CYBRD1: variants seen among roughly 807,000 people sequenced by gnomAD.
CYBRD1 encodes cytochrome b reductase 1, also known as plasma membrane ascorbate-dependent reductase CYBRD1.
CYBRD1 carries 14 observed loss-of-function variants against 21.9 expected under a neutral mutation model. The observed-to-expected ratio is 0.64, with a 90% CI of 0.42 to 1.00. The LOEUF (loss-of-function observed/expected upper bound fraction) is 1.00, where lower values mean the gene tolerates loss of function less well. CYBRD1 is among the 50% of genes least tolerant of loss of function. The pLI is 0.00. For missense variants in CYBRD1, 328 were observed against 352.5 expected, an observed-to-expected ratio of 0.93 and a Z score of 0.56; for synonymous variants, 146 against 136.5, an observed-to-expected ratio of 1.07 and a Z score of -0.48.
intron 2 of CYBRD1, among the ~76,000 whole-genome samples, chr2:171,548,971 T>C (rs560356291): frequency 6.6e-6 from 1 of 152,246 alleles, no homozygotes; most frequent in African/African-American, 2.4e-5. Context: ...CTCATCTGTT[T>C]CATAAAGTGA....
At chr2:171,541,944 A>C in intron 2 of CYBRD1, 151 bp downstream of exon 2, 2 of 666,094 alleles carry the variant, frequency 3.0e-6, no homozygotes, top group East Asian at 2.7e-5. Context: ...GGCTCACTGC[A>C]ACCACTGTCT....
intron 1 of CYBRD1, among the ~76,000 whole-genome samples, chr2:171,527,917 C>T (rs374492805): frequency 2.6e-5 from 4 of 151,898 alleles, no homozygotes; most frequent in East Asian, 1.9e-4. Context: ...TTTCTCGAGC[C>T]GGTTCCAATT....
intron 2 of CYBRD1, among the ~76,000 whole-genome samples, chr2:171,546,368 G>T (rs1191887102): frequency 6.6e-6 from 1 of 152,164 alleles, no homozygotes; most frequent in African/African-American, 2.4e-5. Flanking sequence ...TAGCACACTG[G>T]TATAACACAA....
chr2:171,525,032 G>T (rs1352966637), intron 1 of CYBRD1, among the ~76,000 whole-genome samples: 3 of 152,130 alleles, frequency 2.0e-5, no homozygotes, highest in African/African-American at 7.2e-5. Context: ...CCACCTCCCA[G>T]GTTCAAGCAA....
chr2:171,522,767 G>T lies in CYBRD1; in HGVS notation c.193+29G>T, dbSNP rs1428926251. On this transcript the variant is annotated intron_variant, in intron 1 of 3. Transcript: ENST00000321348. This position sits in a 1 kb window ranked among gnomAD's most constrained non-coding sequence, Gnocchi z 4.3. ...CTGGCACCTCCTGGGGGGGTGCGGGGAGGAAAGCGGGGAGAACGGCGGGGG... is the reference window on the plus strand; with the variant it reads ...CTGGCACCTCCTGGGGGGGTGCGGGTAGGAAAGCGGGGAGAACGGCGGGGG... 1.9e-6 allele frequency: 3 copies of T among 1,612,572 alleles called. No homozygotes were observed. In the South Asian group the frequency reaches 3.3e-5, roughly 18 times the overall value.
rs1000433855 is a variant in CYBRD1, at chr2:171,545,748, T to C, written c.402+3955T>C. Among the ~76,000 whole-genome samples the C allele has an allele frequency of 2.6e-5, 4 of 152,154 alleles. No homozygotes were observed. The East Asian group carries it at 7.7e-4, about 29-fold the overall frequency. On this transcript the variant is annotated intron_variant, in intron 2 of 3. Transcript: ENST00000321348. ...TCATAACATATTTTTGTGGTACATATGATATTTTGATAAAAGTATACAATG... is the reference window on the plus strand; with the variant it reads ...TCATAACATATTTTTGTGGTACATACGATATTTTGATAAAAGTATACAATG...
At chr2:171,525,323 G>A (rs1441113779) in intron 1 of CYBRD1, among the ~76,000 whole-genome samples, 1 of 152,156 alleles carries the variant, frequency 6.6e-6, no homozygotes, top group Non-Finnish European at 1.5e-5. Context: ...TTTCCTGTTT[G>A]GATCCTGGAT....
chr2:171,538,106 G>T (rs541106178), intron 1 of CYBRD1, among the ~76,000 whole-genome samples: 2 of 152,190 alleles, frequency 1.3e-5, no homozygotes, highest in Admixed American at 1.3e-4. Context: ...GCAAAACTCC[G>T]TCTCTACTAA....
In CYBRD1 at chr2:171,522,918, TG is replaced by T. The variant is rs1697330171; in HGVS notation, c.193+184del. 6.6e-6 allele frequency among the ~76,000 whole-genome samples: 1 copy of T among 150,498 alleles called. No homozygotes were observed. Among genetic ancestry groups the T allele is most frequent in the Non-Finnish European group, 1.5e-5 (1 of 67,656 alleles). On this transcript the variant is annotated intron_variant, in intron 1 of 3. Coordinates refer to ENST00000321348, the MANE Select transcript of CYBRD1 (RefSeq NM_024843.4). The surrounding 1 kb of genome is among the most constrained non-coding windows in gnomAD (Gnocchi z 4.3). ...GGGCGGGAGGGAGGCTGGCTGGCTC[TG>T]GGGCGGGACAGAGCTGCGGTTCAGG...
rs1683497493 is a variant in CYBRD1, at chr2:171,556,937, T to C, written c.*2110T>C. ...AGTGACTAAGCCGCCAGAATTGAGGTGGCCATTCCTTTTTGTATAGGCTAA... is the reference window on the plus strand; with the variant it reads ...AGTGACTAAGCCGCCAGAATTGAGGCGGCCATTCCTTTTTGTATAGGCTAA... On this transcript the variant is annotated 3_prime_UTR_variant, in exon 4 of 4. Transcript: ENST00000321348. 6.6e-6 allele frequency: 1 copy of C among 152,588 alleles called. No individual in the cohort carries two copies. The highest frequency in any genetic ancestry group is 2.1e-4 in the South Asian group (1 of 4,822). 9.5% of individuals were successfully genotyped at this position (152,588 alleles called of 1,614,324 possible).
At chr2:171,550,457 T>C (rs552025720) in intron 2 of CYBRD1, among the ~76,000 whole-genome samples, 1 of 152,164 alleles carries the variant, frequency 6.6e-6, no homozygotes, top group African/African-American at 2.4e-5. Flanking sequence ...AAAGGTCTTA[T>C]AATTTTCGGT....
chr2:171,529,388 G>T (rs752212718), intron 1 of CYBRD1, among the ~76,000 whole-genome samples: 1 of 151,882 alleles, frequency 6.6e-6, no homozygotes, highest in African/African-American at 2.4e-5. Flanking sequence ...AAAATTAGCC[G>T]GGCAGGGTGG....
rs1242404512 is a variant in CYBRD1, at chr2:171,553,490, A to AT, written c.553dup (p.Ser185PhefsTer44). 5 of 1,611,234 alleles carry AT rather than the reference A, an allele frequency of 3.1e-6. No individual in the cohort carries two copies. The highest frequency in any genetic ancestry group is 3.4e-6 in the Non-Finnish European group (4 of 1,178,352). The stretch of plus-strand genomic sequence containing the variant: ...ACTTATGGGATTGACAGAGAAACTG[A>AT]TTTTTTCCCTGTAAGTTGCATAGTC... On this transcript the variant is annotated frameshift_variant, in exon 3 of 4. Transcript: ENST00000321348. LOFTEE classifies it low-confidence loss of function (END_TRUNC).
At chr2:171,529,434 G>C (rs1697431271) in intron 1 of CYBRD1, among the ~76,000 whole-genome samples, 1 of 151,066 alleles carries the variant, frequency 6.6e-6, no homozygotes, top group South Asian at 2.1e-4. Flanking sequence ...AGGAGGCTGA[G>C]GCAGGAGAAT....
At chr2:171,537,608 G>C (rs1260062871) in intron 1 of CYBRD1, among the ~76,000 whole-genome samples, 1 of 152,226 alleles carries the variant, frequency 6.6e-6, no homozygotes, top group Non-Finnish European at 1.5e-5. Context: ...AATAAGGTCA[G>C]AGGATTGTAT....
intron 1 of CYBRD1, among the ~76,000 whole-genome samples, chr2:171,531,277 C>T (rs780164729): frequency 6.6e-6 from 1 of 151,590 alleles, no homozygotes; most frequent in Admixed American, 6.6e-5. Context: ...CTGTACTTTT[C>T]TAAGTTTTTG....
chr2:171,543,568 C>A (rs1387796084), intron 2 of CYBRD1, among the ~76,000 whole-genome samples: 3 of 152,080 alleles, frequency 2.0e-5, no homozygotes, highest in African/African-American at 7.2e-5. Context: ...TCATTCTCTG[C>A]TTTTTAAAAT....
At chr2:171,530,600 C>T (rs1166790071) in intron 1 of CYBRD1, among the ~76,000 whole-genome samples, 1 of 152,144 alleles carries the variant, frequency 6.6e-6, no homozygotes, top group South Asian at 2.1e-4. Context: ...TTCCACTTAG[C>T]CCCAGTGGAT....
Position 171,554,555 on chromosome 2 carries a change from G to T in CYBRD1, c.589G>T (p.Glu197Ter). 1.9e-6 allele frequency: 3 copies of T among 1,614,026 alleles called. No homozygotes were observed. Among genetic ancestry groups the T allele is most frequent in the Non-Finnish European group, 2.5e-6 (3 of 1,179,946 alleles). Residue 197 changes from glutamate to a stop codon, truncating the protein, a stop_gained, in exon 4 of 4, where the codon GAA becomes TAA. Transcript: ENST00000321348. LOFTEE classifies it low-confidence loss of function (END_TRUNC). ...RDPAYSTFPP[E>*]GVFVNTLGLL... ...TCCTGCATACAGTACATTCCCGCCA[G>T]AAGGTGTTTTCGTAAATACGCTTGG...
Sources: allele counts gnomAD v4.1 joint callset (sites outside exome capture counted in the v4.1 genomes callset), GRCh38; gene constraint gnomAD v4.1.1; non-coding constraint Gnocchi (gnomAD v3.1); transcripts MANE v1.5; gene names NCBI Gene and HGNC (gene_info 2026-07-23, HGNC 2026-07-21).